Variants in MAML3 observed in about 807,000 individuals in gnomAD.
MAML3 encodes the protein mastermind like transcriptional coactivator 3.
MAML3 carries 27 observed loss-of-function variants against 101.9 expected under a neutral mutation model. The ratio of observed to expected loss-of-function variants is 0.27; its 90% CI spans 0.20 to 0.37. The LOEUF is 0.37. MAML3 is among the 10% of genes least tolerant of loss of function. MAML3 has a pLI of 1.00. For synonymous variants in MAML3, 501 were observed against 555.9 expected, an observed-to-expected ratio of 0.90 and a Z score of 1.39; for missense variants, 1,316 against 1,444.9, an observed-to-expected ratio of 0.91 and a Z score of 1.45.
intron 1 of MAML3, among the ~76,000 whole-genome samples, chr4:140,077,791 G>A (rs573988653): frequency 7.4e-4 from 113 of 152,254 alleles, no homozygotes; most frequent in African/African-American, 2.6e-3. Flanking sequence ...AGGCCGAGGT[G>A]GGCGGATCAT....
intron 1 of MAML3, among the ~76,000 whole-genome samples, chr4:140,002,350 C>T (rs143869419): frequency 6.6e-6 from 1 of 152,074 alleles, no homozygotes; most frequent in South Asian, 2.1e-4. Context: ...TTTTCTCTAC[C>T]TGATGTCTGC....
At chr4:139,937,622 G>C (rs374510915) in intron 1 of MAML3, among the ~76,000 whole-genome samples, 8 of 151,922 alleles carry the variant, frequency 5.3e-5, no homozygotes, top group African/African-American at 1.9e-4. Context: ...TCCTGGCCTC[G>C]AGTGATCTGC....
At chr4:140,031,660 A>C (rs1164727722) in intron 1 of MAML3, among the ~76,000 whole-genome samples, 2 of 152,344 alleles carry the variant, frequency 1.3e-5, no homozygotes, top group African/African-American at 4.8e-5. Flanking sequence ...TAAATTTTAT[A>C]ATAACCCTGT....
At chr4:140,057,779 T>A (rs1452139473) in intron 1 of MAML3, among the ~76,000 whole-genome samples, 2 of 152,190 alleles carry the variant, frequency 1.3e-5, no homozygotes, top group African/African-American at 2.4e-5. Context: ...TCTCCAAGTC[T>A]GCTTTTTGTA....
At chr4:140,137,538 T>C (rs1459706140) in intron 1 of MAML3, among the ~76,000 whole-genome samples, 1 of 152,212 alleles carries the variant, frequency 6.6e-6, no homozygotes, top group Non-Finnish European at 1.5e-5. Context: ...AATTTATTGC[T>C]CTTTAGTGTA....
At chr4:140,060,373 A>AAAAAAAAAAAAAAAAAAAAAAAG in intron 1 of MAML3, among the ~76,000 whole-genome samples, 1 of 145,888 alleles carries the variant, frequency 6.9e-6, no homozygotes, top group Non-Finnish European at 1.5e-5. Flanking sequence ...CTCAAAAAAA[A>AAAAAAAAAAAAAAAAAAAAAAAG]AAAAAAAAAA....
chr4:140,049,477 C>G (rs1019069873), intron 1 of MAML3, among the ~76,000 whole-genome samples: 43 of 152,218 alleles, frequency 2.8e-4, no homozygotes, highest in African/African-American at 9.2e-4. Context: ...TGGTTTAAAA[C>G]GAGCCACTCA....
At chr4:139,819,567 AC>A (rs1285887124) in intron 2 of MAML3, among the ~76,000 whole-genome samples, 1 of 152,118 alleles carries the variant, frequency 6.6e-6, no homozygotes, top group African/African-American at 2.4e-5. Context: ...CCTTCAGCTC[AC>A]TTTTAACTTC....
At chr4:139,727,453 G>A (rs1398734336) in intron 3 of MAML3, among the ~76,000 whole-genome samples, 1 of 152,162 alleles carries the variant, frequency 6.6e-6, no homozygotes, top group African/African-American at 2.4e-5. Flanking sequence ...GGCAGCCTGT[G>A]GGGGACTGAG....
At chr4:139,776,274 A>G (rs1409249433) in intron 2 of MAML3, among the ~76,000 whole-genome samples, 1 of 152,072 alleles carries the variant, frequency 6.6e-6, no homozygotes, top group African/African-American at 2.4e-5. Context: ...GTCTAGGAAG[A>G]GCCGTAACAT....
rs866741070 is a variant in MAML3 at position 139,942,713 on chromosome 4, C to T, written c.469-51746G>A. On this transcript the variant is annotated intron_variant, in intron 1 of 4. Transcript: ENST00000509479. ...TAACCAACTCAGATTTATAGTTTTT[C>T]TATGATTAGGTATATTTCTTATGTG... is the stretch of plus-strand genomic sequence containing the variant. Among the ~76,000 whole-genome samples, 4 of 150,472 alleles carry T rather than the reference C, an allele frequency of 2.7e-5. No homozygotes were observed. In the Middle Eastern group the frequency reaches 0.01, roughly 386 times the overall value.
intron 1 of MAML3, among the ~76,000 whole-genome samples, chr4:140,107,230 C>T (rs951863378): frequency 1.3e-5 from 2 of 152,110 alleles, no homozygotes; most frequent in African/African-American, 4.8e-5. Context: ...ATAAACATTA[C>T]TGAATGGAGG....
rs55851938 is a variant in MAML3, at chr4:139,861,477, ATGTGTGTGTGTG to A, written c.2079+27868_2079+27879del. On this transcript the variant is annotated intron_variant, in intron 2 of 4. Transcript: ENST00000509479. The stretch of plus-strand genomic sequence containing the variant: ...AGATGTATGAATGTCTAACCAGCCG[ATGTGTGTGTGTG>A]TGTGTGTGTGTGTGTGTGTGTAGTC... 8.2e-5 allele frequency among the ~76,000 whole-genome samples: 12 copies of A among 146,394 alleles called. 1 individual carries two copies. Among genetic ancestry groups the A allele is most frequent in the South Asian group, 2.3e-4 (1 of 4,444 alleles).
chr4:140,136,155 G>T (rs904694562), intron 1 of MAML3, among the ~76,000 whole-genome samples: 1 of 152,142 alleles, frequency 6.6e-6, no homozygotes, highest in Non-Finnish European at 1.5e-5. Flanking sequence ...ACTCATTCCT[G>T]GGAGGGGCTT....
intron 2 of MAML3, among the ~76,000 whole-genome samples, chr4:139,751,171 C>T (rs919561405): frequency 6.6e-6 from 1 of 152,188 alleles, no homozygotes; most frequent in East Asian, 1.9e-4. Context: ...TCTCCCATGT[C>T]CCTGTCTAAA....
intron 1 of MAML3, among the ~76,000 whole-genome samples, chr4:139,915,069 A>C (rs549795637): frequency 6.6e-6 from 1 of 152,366 alleles, no homozygotes; most frequent in South Asian, 2.1e-4. Flanking sequence ...CGGGAGGCTT[A>C]TATTTACTGA....
In MAML3 at chr4:139,823,611, G is replaced by A. The variant is rs149092954; in HGVS notation, c.2079+65746C>T. On this transcript the variant is annotated intron_variant, in intron 2 of 4. Transcript: ENST00000509479. The stretch of plus-strand genomic sequence containing the variant: ...GAATTAAATTAGACACATCAGCAGC[G>A]TCTAAGCCTAGTGCCCTGGATCATC... Among the ~76,000 whole-genome samples the A allele has an allele frequency of 2.3e-3, 354 of 152,114 alleles. 1 individual carries two copies. The highest frequency in any genetic ancestry group is 7.7e-3 in the African/African-American group (319 of 41,498).
chr4:139,763,166 T>C (rs1729788330), intron 2 of MAML3, among the ~76,000 whole-genome samples: 1 of 152,216 alleles, frequency 6.6e-6, no homozygotes, highest in African/African-American at 2.4e-5. Context: ...AAGATCTGCA[T>C]CCTTGTGGAC....
chr4:139,780,239 C>T (rs975346945), intron 2 of MAML3, among the ~76,000 whole-genome samples: 14 of 152,336 alleles, frequency 9.2e-5, no homozygotes, highest in East Asian at 3.9e-4. Flanking sequence ...TTCCATTGGA[C>T]GGCTCTGACC....
Sources: allele counts gnomAD v4.1 joint callset (sites outside exome capture counted in the v4.1 genomes callset), GRCh38; gene constraint gnomAD v4.1.1; transcripts MANE v1.5; gene names NCBI Gene and HGNC (gene_info 2026-07-23, HGNC 2026-07-21).